AGFG2: variants seen among roughly 807,000 people sequenced by gnomAD.
AGFG2 encodes the protein ArfGAP with FG repeats 2, also known as arf-GAP domain and FG repeat-containing protein 2.
In AGFG2, 31 loss-of-function variants were observed where a neutral mutation model predicts 48.0. The observed-to-expected ratio is 0.65, with a 90% CI of 0.49 to 0.87. AGFG2 has a LOEUF of 0.87. Ranked by LOEUF, AGFG2 falls within the 40% of genes least tolerant of loss-of-function variation. AGFG2 has a pLI of 0.00. For missense variants in AGFG2, 599 were observed against 632.6 expected, an observed-to-expected ratio of 0.95 and a Z score of 0.57; for synonymous variants, 229 against 260.8, an observed-to-expected ratio of 0.88 and a Z score of 1.18.
chr7:100,548,744 C>A, intron 1 of AGFG2, 78 bp from the exon 2 acceptor site: 1 of 862,608 alleles, frequency 1.2e-6, no homozygotes, highest in Non-Finnish European at 1.8e-6. Context: ...CCCTTTCTCC[C>A]TCCTCCTCCT....
intron 1 of AGFG2, among the ~76,000 whole-genome samples, chr7:100,544,788 A>G (rs1022068879): frequency 1.3e-5 from 2 of 152,084 alleles, no homozygotes; most frequent in African/African-American, 4.8e-5. Context: ...GACATGTAAA[A>G]AAGATTGAGG....
At chr7:100,560,517 G>T (rs1443826275) in intron 6 of AGFG2, among the ~76,000 whole-genome samples, 2 of 152,304 alleles carry the variant, frequency 1.3e-5, no homozygotes, top group African/African-American at 4.8e-5. Flanking sequence ...GCATCCTGTG[G>T]ATTAGAAAGG....
At chr7:100,543,536 C>G (rs930273244) in intron 1 of AGFG2, among the ~76,000 whole-genome samples, 2 of 152,168 alleles carry the variant, frequency 1.3e-5, no homozygotes, top group Non-Finnish European at 2.9e-5. Context: ...ATAGAGTCGT[C>G]TGGGGGCAGT....
intron 1 of AGFG2, among the ~76,000 whole-genome samples, chr7:100,540,024 C>T (rs1800392574): frequency 6.6e-6 from 1 of 151,560 alleles, no homozygotes; most frequent in Non-Finnish European, 1.5e-5. Context: ...GATGGACGGG[C>T]ACCTTTCTTC....
Position 100,562,568 on chromosome 7 carries a change from A to G in AGFG2, c.999-26A>G, listed in dbSNP as rs1201422173. On this transcript the variant is annotated intron_variant, in intron 7 of 11. Coordinates refer to ENST00000300176, the MANE Select transcript of AGFG2 (RefSeq NM_006076.5). This position sits in a 1 kb window ranked among gnomAD's most constrained non-coding sequence, Gnocchi z 5.4. ...GTTTGATTGGCCCTGGCAGCTGTGT[A>G]TGACTTCTCTCTCCCCGTGTTGTAG... 1 of 1,613,156 alleles carries G rather than the reference A, an allele frequency of 6.2e-7. No homozygotes were observed. The highest frequency in any genetic ancestry group is 8.5e-7 in the Non-Finnish European group (1 of 1,179,810).
intron 3 of AGFG2, among the ~76,000 whole-genome samples, chr7:100,551,067 T>TATATATATATATATA (rs1562791931): frequency 4.7e-4 from 45 of 96,690 alleles, no homozygotes; most frequent in Non-Finnish European, 5.4e-4. Context: ...TATATATATA[T>TATATATATATATATA]TTCTTTTTTT....
chr7:100,551,068 TTC>T lies in AGFG2; in HGVS notation c.431+559_431+560del, dbSNP rs1459824606. On this transcript the variant is annotated intron_variant, in intron 3 of 11. Transcript: ENST00000300176. ...TATATATATATATATATATATATAT[TTC>T]TTTTTTTTTTTTTTTTTGAGACAGA... 6.7e-3 allele frequency among the ~76,000 whole-genome samples: 394 copies of T among 59,194 alleles called. 19 individuals carry two copies. The highest frequency in any genetic ancestry group is 0.013 in the African/African-American group (209 of 15,594). 38.8% of individuals were successfully genotyped at this position (59,194 alleles called of 152,430 possible).
chr7:100,554,403 T>C, intron 5 of AGFG2, 145 bp downstream of exon 5: 1 of 1,067,644 alleles, frequency 9.4e-7, no homozygotes, highest in South Asian at 1.9e-5. Flanking sequence ...CTGGGAGGAC[T>C]GGGGTCAAAT....
At chr7:100,547,621 C>T (rs1800538215) in intron 1 of AGFG2, among the ~76,000 whole-genome samples, 1 of 152,134 alleles carries the variant, frequency 6.6e-6, no homozygotes, top group African/African-American at 2.4e-5. Flanking sequence ...TATTAGAACA[C>T]TCCTGAGACC....
chr7:100,560,767 G>A (rs141162026), intron 6 of AGFG2, among the ~76,000 whole-genome samples: 2 of 150,398 alleles, frequency 1.3e-5, no homozygotes, highest in African/African-American at 4.9e-5. Context: ...GGCCCGGGTC[G>A]CTGTTATTTA....
chr7:100,562,751 G>A lies in AGFG2; in HGVS notation c.1087+69G>A. The A allele has an allele frequency of 6.3e-7, 1 of 1,590,638 alleles. No individual in the cohort carries two copies. Among genetic ancestry groups the A allele is most frequent in the Non-Finnish European group, 8.6e-7 (1 of 1,166,540 alleles). On this transcript the variant is annotated intron_variant, in intron 8 of 11. Transcript: ENST00000300176. The surrounding 1 kb of genome is among the most constrained non-coding windows in gnomAD (Gnocchi z 5.4). ...AGGAGGAGTCTAAGGACTCTGGACA[G>A]GGTGGGAAGGGGAGAGATTGAGAGG...
intron 6 of AGFG2, among the ~76,000 whole-genome samples, chr7:100,560,666 CAG>C (rs1449046453): frequency 6.6e-6 from 1 of 152,172 alleles, no homozygotes; most frequent in Non-Finnish European, 1.5e-5. Flanking sequence ...TGCCGACACT[CAG>C]TGAGAGGGAG....
intron 11 of AGFG2, among the ~76,000 whole-genome samples, chr7:100,564,692 T>G (rs546633675): frequency 1.3e-5 from 2 of 152,026 alleles, no homozygotes; most frequent in African/African-American, 2.4e-5. Context: ...TTAGTAGAGA[T>G]AGGGTTTTCC....
chr7:100,551,348 G>A (rs938295324), intron 3 of AGFG2, among the ~76,000 whole-genome samples: 2 of 151,184 alleles, frequency 1.3e-5, no homozygotes, highest in African/African-American at 2.4e-5. Flanking sequence ...GATTACAGGC[G>A]TGAGCCACTG....
In AGFG2 at chr7:100,555,647, T is replaced by G. The variant is rs376539393; in HGVS notation, c.789T>G (p.Asp263Glu). ...CCCAAGGAGGCTTTGCCAACTTTGATGCCTTTAGCAGTGGCCCCAGCTCTT... is the reference window on the plus strand; with the variant it reads ...CCCAAGGAGGCTTTGCCAACTTTGAGGCCTTTAGCAGTGGCCCCAGCTCTT... ...TPSQGGFANF[D>E]AFSSGPSSSV... Residue 263 changes from aspartate to glutamate, a missense_variant, in exon 6 of 12, where the codon GAT becomes GAG. Physicochemically the swap from Asp to Glu is conservative, Grantham distance 45 (BLOSUM62 2). Transcript: ENST00000300176. 30 of 1,613,960 alleles carry G rather than the reference T, an allele frequency of 1.9e-5. No homozygotes were observed. Among genetic ancestry groups the G allele is most frequent in the Non-Finnish European group, 2.5e-5 (30 of 1,179,946 alleles).
In AGFG2 at chr7:100,568,185, G is replaced by A. The variant is rs1442658339; in HGVS notation, c.*3194G>A. The A allele has an allele frequency of 6.5e-6, 1 of 152,714 alleles. No individual in the cohort carries two copies. Among genetic ancestry groups the A allele is most frequent in the Non-Finnish European group, 1.5e-5 (1 of 68,118 alleles). 9.5% of individuals were successfully genotyped at this position (152,714 alleles called of 1,614,324 possible). The stretch of plus-strand genomic sequence containing the variant: ...CAGGGGGACCTGGTTGATGGGGAGT[G>A]GGAAGGGGAAGGAATAAAGAGATCT... On this transcript the variant is annotated 3_prime_UTR_variant, in exon 12 of 12. Coordinates refer to ENST00000300176, the MANE Select transcript of AGFG2 (RefSeq NM_006076.5).
At chr7:100,551,076 T>A (rs1324683101) in intron 3 of AGFG2, among the ~76,000 whole-genome samples, 40 of 102,260 alleles carry the variant, frequency 3.9e-4, no homozygotes, top group South Asian at 1.8e-3. Flanking sequence ...ATTTCTTTTT[T>A]TTTTTTTTTT....
rs757775088 is a variant in AGFG2 at position 100,564,265 on chromosome 7, C to T, written c.1348C>T (p.Leu450=). The change falls in exon 11 of 12, where the codon CTG becomes TTG. Residue 450 remains leucine (L), a synonymous_variant. Transcript: ENST00000300176. ...ATCAGCCAAGTTGGGGCAGAGGCCA[C>T]TGAGCCAGCCAGCTGGGATCTCCAC... is the stretch of plus-strand genomic sequence containing the variant. The part of the protein sequence containing the change: ...LGSAKLGQRP[L]SQPAGISTNP... The T allele has an allele frequency of 5.0e-6, 8 of 1,613,906 alleles. No homozygotes were observed. The highest frequency in any genetic ancestry group is 5.9e-6 in the Non-Finnish European group (7 of 1,179,928).
At chr7:100,549,859 A>C (rs576967475) in intron 2 of AGFG2, among the ~76,000 whole-genome samples, 35 of 152,142 alleles carry the variant, frequency 2.3e-4, no homozygotes, top group African/African-American at 7.0e-4. Context: ...TGCTCCACTA[A>C]TTTTTGTATT....
Sources: gnomAD v4.1 joint callset for allele counts (sites outside exome capture counted in the v4.1 genomes callset) on GRCh38, gnomAD v4.1.1 for gene constraint, Gnocchi (gnomAD v3.1) non-coding constraint, MANE v1.5 for transcripts, NCBI Gene and HGNC (gene_info 2026-07-23, HGNC 2026-07-21) for gene names.